EPHB2: variants seen among roughly 807,000 people sequenced by gnomAD.
EPHB2 encodes the protein EPH receptor B2, also known as ephrin type-B receptor 2.
In EPHB2, 18 loss-of-function variants were observed where a neutral mutation model predicts 96.4. That is an observed-to-expected ratio of 0.19 (90% CI 0.13 to 0.28). The LOEUF (loss-of-function observed/expected upper bound fraction) is 0.28, where lower values mean the gene tolerates loss of function less well. EPHB2 is among the 10% of genes least tolerant of loss of function. The probability of loss-of-function intolerance (pLI) is 1.00; values close to 1 mark genes in which losing one functional copy is unlikely to be tolerated. For synonymous variants in EPHB2, 506 were observed against 534.1 expected (o/e 0.95, Z 0.72); for missense variants, 989 against 1,355.4 (o/e 0.73, Z 4.25).
At chr1:22,825,544 C>T (rs1209473604) in intron 3 of EPHB2, among the ~76,000 whole-genome samples, 3 of 152,236 alleles carry the variant, frequency 2.0e-5, no homozygotes, top group Non-Finnish European at 4.4e-5. Context: ...TTACACCTCA[C>T]TCCCATCCAT....
At chr1:22,749,600 G>A (rs112394588) in intron 1 of EPHB2, among the ~76,000 whole-genome samples, 2 of 152,194 alleles carry the variant, frequency 1.3e-5, no homozygotes, top group Non-Finnish European at 2.9e-5. Context: ...CAGGGGAGCT[G>A]TCCCTCCTGG....
At chr1:22,769,850 G>T (rs1204449375) in intron 1 of EPHB2, among the ~76,000 whole-genome samples, 8 of 152,204 alleles carry the variant, frequency 5.3e-5, no homozygotes, top group Non-Finnish European at 1.2e-4. Flanking sequence ...GAATGGGCGA[G>T]TGGATAAATG....
chr1:22,815,918 T>C (rs975377759), intron 3 of EPHB2, among the ~76,000 whole-genome samples: 1 of 152,170 alleles, frequency 6.6e-6, no homozygotes, highest in Non-Finnish European at 1.5e-5. Flanking sequence ...ACCATGTCCA[T>C]CGGGCATCTG....
chr1:22,893,049 G>T lies in EPHB2; in HGVS notation c.1591+3G>T. 2 of 1,614,190 alleles carry T rather than the reference G, an allele frequency of 1.2e-6. No homozygotes were observed. The highest frequency in any genetic ancestry group is 1.7e-6 in the Non-Finnish European group (2 of 1,180,046). On this transcript the variant is annotated splice_donor_region_variant and intron_variant, in intron 7 of 15. Coordinates refer to ENST00000374630, the MANE Select transcript of EPHB2 (RefSeq NM_017449.5). ...GTACTTCCAGACCATGACAGAAGGT[G>T]AGCAGAGTCCAGCGGGCAAGAGGAG...
chr1:22,714,443 A>G (rs999339624), intron 1 of EPHB2, among the ~76,000 whole-genome samples: 5 of 152,204 alleles, frequency 3.3e-5, no homozygotes, highest in African/African-American at 9.7e-5. Context: ...TAGCATGTCT[A>G]TATGTCCATA....
chr1:22,833,608 T>C (rs1570357782), intron 3 of EPHB2, among the ~76,000 whole-genome samples: 1 of 151,958 alleles, frequency 6.6e-6, no homozygotes, highest in East Asian at 1.9e-4. Context: ...AAAGACAGAA[T>C]ATATAACTTC....
intron 1 of EPHB2, among the ~76,000 whole-genome samples, chr1:22,732,298 C>T (rs981003665): frequency 6.8e-6 from 1 of 147,350 alleles, no homozygotes; most frequent in African/African-American, 2.5e-5. Context: ...GAGCCAAGAG[C>T]TGCGGGGGCC....
chr1:22,716,936 A>C (rs1643308871), intron 1 of EPHB2, among the ~76,000 whole-genome samples: 1 of 152,216 alleles, frequency 6.6e-6, no homozygotes. Flanking sequence ...TGGCACCTGC[A>C]TGCCTGACTT....
At chr1:22,763,965 C>G (rs1205894990) in intron 1 of EPHB2, among the ~76,000 whole-genome samples, 1 of 152,180 alleles carries the variant, frequency 6.6e-6, no homozygotes, top group East Asian at 1.9e-4. Context: ...CGCCAACCCT[C>G]CCACCCCCTC....
At chr1:22,765,842 C>G (rs1185519074) in intron 1 of EPHB2, among the ~76,000 whole-genome samples, 1 of 152,136 alleles carries the variant, frequency 6.6e-6, no homozygotes, top group Non-Finnish European at 1.5e-5. Context: ...AAGGAACCTC[C>G]CCACCCTGGG....
chr1:22,830,783 C>T (rs1403880327), intron 3 of EPHB2, among the ~76,000 whole-genome samples: 1 of 152,232 alleles, frequency 6.6e-6, no homozygotes, highest in Admixed American at 6.5e-5. Context: ...TCTCGAACTC[C>T]TGACCTCATG....
At chr1:22,792,537 C>T (rs1174162669) in intron 3 of EPHB2, among the ~76,000 whole-genome samples, 4 of 152,222 alleles carry the variant, frequency 2.6e-5, no homozygotes, top group African/African-American at 9.6e-5. Context: ...AATTCTACAC[C>T]CTCCCCAACT....
chr1:22,853,156 C>G (rs1305283980), intron 3 of EPHB2, among the ~76,000 whole-genome samples: 1 of 152,250 alleles, frequency 6.6e-6, no homozygotes, highest in Non-Finnish European at 1.5e-5. Context: ...CGAAACCATC[C>G]TGGCTAACAC....
chr1:22,738,392 G>A (rs746867259), intron 1 of EPHB2, among the ~76,000 whole-genome samples: 1 of 152,200 alleles, frequency 6.6e-6, no homozygotes, highest in Non-Finnish European at 1.5e-5. Flanking sequence ...CTCCAAGCAT[G>A]GCTGGGTGTC....
At chr1:22,872,129 G>T (rs1258209150) in intron 5 of EPHB2, among the ~76,000 whole-genome samples, 2 of 152,128 alleles carry the variant, frequency 1.3e-5, no homozygotes, top group African/African-American at 4.8e-5. Context: ...TAGAGGGGTT[G>T]TTAGCAGAAT....
At chr1:22,903,835 A>T (rs1156282366) in intron 9 of EPHB2, among the ~76,000 whole-genome samples, 1 of 152,142 alleles carries the variant, frequency 6.6e-6, no homozygotes, top group Non-Finnish European at 1.5e-5. Flanking sequence ...GGAGGGAGAA[A>T]TCAGAAAAAA....
At chr1:22,792,020 C>A (rs777665071) in intron 3 of EPHB2, among the ~76,000 whole-genome samples, 29 of 152,124 alleles carry the variant, frequency 1.9e-4, no homozygotes, top group South Asian at 6.2e-4. Context: ...GATGTTATGC[C>A]TGTGGCTTTA....
intron 3 of EPHB2, among the ~76,000 whole-genome samples, chr1:22,805,713 T>G (rs1313370739): frequency 6.6e-6 from 1 of 152,046 alleles, no homozygotes; most frequent in East Asian, 1.9e-4. Context: ...ATCAGGCAGG[T>G]GCATGTACAT....
chr1:22,862,925 G>C, intron 3 of EPHB2, 112 bp from the exon 4 acceptor site: 1 of 1,376,078 alleles, frequency 7.3e-7, no homozygotes, highest in South Asian at 1.2e-5. Flanking sequence ...CAGCAGTGGT[G>C]CTGCATGGCC....
Sources: gnomAD v4.1 joint callset for allele counts (sites outside exome capture counted in the v4.1 genomes callset) on GRCh38, gnomAD v4.1.1 for gene constraint, MANE v1.5 for transcripts, NCBI Gene and HGNC (gene_info 2026-07-23, HGNC 2026-07-21) for gene names.